The following PDE4D variants were observed in gnomAD, a reference collection of about 807,000 sequenced individuals.
PDE4D encodes 3',5'-cyclic-AMP phosphodiesterase 4D.
In PDE4D, 24 loss-of-function variants were observed where a neutral mutation model predicts 87.4. The ratio of observed to expected loss-of-function variants is 0.27; its 90% confidence interval spans 0.20 to 0.39. PDE4D has a LOEUF of 0.39. Ranked by LOEUF, PDE4D falls within the 10% of genes least tolerant of loss-of-function variation. The pLI is 1.00. For missense variants in PDE4D, 714 were observed against 1,041.0 expected (o/e 0.69, Z 4.32); for synonymous variants, 384 against 383.2 (o/e 1.00, Z -0.02).
intron 2 of PDE4D, among the ~76,000 whole-genome samples, chr5:60,150,270 A>T (rs1461443072): frequency 2.0e-5 from 3 of 151,962 alleles, no homozygotes; most frequent in African/African-American, 4.8e-5. Context: ...ACTGGCTTTG[A>T]TAGTTCTTAG....
chr5:59,277,420 T>C (rs1370290121), intron 1 of PDE4D, among the ~76,000 whole-genome samples: 3 of 152,182 alleles, frequency 2.0e-5, no homozygotes, highest in Non-Finnish European at 4.4e-5. Context: ...TTAAAGCAGG[T>C]TAATTAATCA....
chr5:59,552,624 A>T (rs919753785), intron 1 of PDE4D, among the ~76,000 whole-genome samples: 3 of 152,078 alleles, frequency 2.0e-5, no homozygotes, highest in Non-Finnish European at 4.4e-5. Context: ...GCATCCTTTT[A>T]AAAAAAACTA....
intron 1 of PDE4D, among the ~76,000 whole-genome samples, chr5:59,487,980 GAC>G (rs1468189849): frequency 1.3e-5 from 2 of 152,008 alleles, no homozygotes; most frequent in Non-Finnish European, 2.9e-5. Flanking sequence ...CTGCACATCA[GAC>G]ACACAGTGTG....
intron 1 of PDE4D, among the ~76,000 whole-genome samples, chr5:60,455,003 G>T (rs899534253): frequency 2.0e-5 from 3 of 151,990 alleles, no homozygotes; most frequent in African/African-American, 7.2e-5. Flanking sequence ...GGGGAACAGG[G>T]TGAGGAATTT....
chr5:59,318,817 C>A (rs1299656201), intron 1 of PDE4D, among the ~76,000 whole-genome samples: 1 of 151,900 alleles, frequency 6.6e-6, no homozygotes, highest in Non-Finnish European at 1.5e-5. Flanking sequence ...GTAAGCAGCC[C>A]CTTTCTGCAC....
intron 1 of PDE4D, among the ~76,000 whole-genome samples, chr5:59,411,361 C>A (rs371723606): frequency 1.8e-4 from 28 of 152,022 alleles, no homozygotes; most frequent in African/African-American, 6.5e-4. Context: ...TATTCTTTAC[C>A]GTCATTTGAC....
intron 2 of PDE4D, among the ~76,000 whole-genome samples, chr5:60,126,268 A>G (rs1779116123): frequency 6.6e-6 from 1 of 152,142 alleles, no homozygotes; most frequent in African/African-American, 2.4e-5. Flanking sequence ...TAAAAACCAA[A>G]CTTAAACCCG....
At chr5:59,246,746 GA>G (rs1214305506) in intron 1 of PDE4D, among the ~76,000 whole-genome samples, 1 of 152,118 alleles carries the variant, frequency 6.6e-6, no homozygotes. Flanking sequence ...ACATACTACT[GA>G]AAAGTAAATA....
rs184886649 is a variant in PDE4D at position 60,318,869 on chromosome 5, G to A, written c.-89-133182C>T. ...CAAGAGATCTGCTGTTAGTCTGATGGGCTTCCCTTTGTGGGTAACCCGACC... is the reference window on the plus strand; with the variant it reads ...CAAGAGATCTGCTGTTAGTCTGATGAGCTTCCCTTTGTGGGTAACCCGACC... On this transcript the variant is annotated intron_variant, in intron 1 of 16. Transcript: ENST00000502484. Among the ~76,000 whole-genome samples, 235 of 152,154 alleles carry A rather than the reference G, an allele frequency of 1.5e-3. 1 individual carries two copies. Among genetic ancestry groups the A allele is most frequent in the African/African-American group, 5.6e-3 (231 of 41,492 alleles).
At chr5:60,044,593 C>T (rs900859875) in intron 2 of PDE4D, among the ~76,000 whole-genome samples, 4 of 151,908 alleles carry the variant, frequency 2.6e-5, no homozygotes, top group Admixed American at 6.6e-5. Context: ...CAATTCCCAC[C>T]TATGAGTGAG....
At chr5:59,271,196 C>T (rs1763770844) in intron 1 of PDE4D, among the ~76,000 whole-genome samples, 1 of 152,016 alleles carries the variant, frequency 6.6e-6, no homozygotes, top group Admixed American at 6.6e-5. Flanking sequence ...TGTTCCACCA[C>T]TCTGGCTAAT....
intron 1 of PDE4D, among the ~76,000 whole-genome samples, chr5:59,772,876 A>G (rs1763715625): frequency 6.6e-6 from 1 of 152,218 alleles, no homozygotes; most frequent in South Asian, 2.1e-4. Flanking sequence ...TGAAAAGTTT[A>G]TTTTGAACCC....
intron 1 of PDE4D, among the ~76,000 whole-genome samples, chr5:59,371,807 T>G (rs1582210810): frequency 1.3e-5 from 2 of 152,342 alleles, no homozygotes; most frequent in African/African-American, 4.8e-5. Context: ...CTGTAGTGCT[T>G]AGCAAAGTTT....
At chr5:59,085,353 C>A (rs1198298822) in intron 5 of PDE4D, among the ~76,000 whole-genome samples, 1 of 152,122 alleles carries the variant, frequency 6.6e-6, no homozygotes, top group Non-Finnish European at 1.5e-5. Flanking sequence ...CTCCTTCTCT[C>A]TCTACATACA....
At chr5:60,159,515 T>C (rs1782291967) in intron 2 of PDE4D, among the ~76,000 whole-genome samples, 1 of 152,162 alleles carries the variant, frequency 6.6e-6, no homozygotes, top group Admixed American at 6.5e-5. Flanking sequence ...AGTGAGTTTG[T>C]TTGCACCTGC....
At chr5:59,068,527 A>G (rs549870371) in intron 5 of PDE4D, among the ~76,000 whole-genome samples, 1 of 152,314 alleles carries the variant, frequency 6.6e-6, no homozygotes, top group African/African-American at 2.4e-5. Context: ...CGTGGAGTGT[A>G]GAGTCAAGCA....
At chr5:59,845,514 G>T (rs1457289022) in intron 1 of PDE4D, among the ~76,000 whole-genome samples, 1 of 152,082 alleles carries the variant, frequency 6.6e-6, no homozygotes, top group African/African-American at 2.4e-5. Context: ...CTATTTGTTT[G>T]ATGGCTAAAA....
chr5:59,443,731 TG>T (rs897831966), intron 1 of PDE4D, among the ~76,000 whole-genome samples: 2 of 152,260 alleles, frequency 1.3e-5, no homozygotes, highest in Non-Finnish European at 2.9e-5. Context: ...CAAATGTGTA[TG>T]AGCAGAGTGG....
At chr5:59,785,798 G>A (rs1490164326) in intron 1 of PDE4D, among the ~76,000 whole-genome samples, 3 of 152,106 alleles carry the variant, frequency 2.0e-5, no homozygotes, top group African/African-American at 4.8e-5. Flanking sequence ...TGTTTTTGCC[G>A]GTGGTACTCT....
Sources: allele counts gnomAD v4.1 joint callset (sites outside exome capture counted in the v4.1 genomes callset), GRCh38; gene constraint gnomAD v4.1.1; transcripts MANE v1.5; gene names NCBI Gene and HGNC (gene_info 2026-07-23, HGNC 2026-07-21).